Variants in COL5A1 observed in about 807,000 individuals in gnomAD.
COL5A1 encodes the protein collagen alpha-1(V) chain.
In COL5A1, 16 loss-of-function variants were observed where a neutral mutation model predicts 263.7. The ratio of observed to expected loss-of-function variants is 0.06; its 90% CI spans 0.04 to 0.09. The LOEUF (loss-of-function observed/expected upper bound fraction) is 0.09. COL5A1 is among the 10% of genes least tolerant of loss of function. The pLI is 1.00. For synonymous variants in COL5A1, 1,012 were observed against 1,004.5 expected, an observed-to-expected ratio of 1.01 and a Z score of -0.14; for missense variants, 2,036 against 2,540.5, an observed-to-expected ratio of 0.80 and a Z score of 4.27.
At chr9:134,831,656 G>T (rs529282748) in intron 64 of COL5A1, among the ~76,000 whole-genome samples, 1 of 152,200 alleles carries the variant, frequency 6.6e-6, no homozygotes, top group Non-Finnish European at 1.5e-5. Flanking sequence ...GCCTGCGCTT[G>T]GCACTGCCCT....
chr9:134,768,061 G>T (rs1836738525), intron 24 of COL5A1, among the ~76,000 whole-genome samples: 1 of 152,174 alleles, frequency 6.6e-6, no homozygotes, highest in African/African-American at 2.4e-5. Flanking sequence ...GGGAGGACAG[G>T]GTGGTGGGAG....
Position 134,805,201 on chromosome 9 carries a change from C to T in COL5A1, c.3245C>T (p.Pro1082Leu), listed in dbSNP as rs1393815755. The change falls in exon 41 of 66, where the codon CCA becomes CTA. Residue 1082 changes from proline to leucine, a missense_variant. Physicochemically the swap from Pro to Leu is moderately conservative, Grantham distance 98. This residue lies in a region of COL5A1 where 1,078 missense variants were observed against 1,521.4 expected (regional missense o/e 0.71). Transcript: ENST00000371817. ...GLKGNEGPPG[P>L]PGPAGSPGER... is the part of the protein sequence containing the mutation. ...AAAGGCAATGAAGGGCCCCCTGGCC[C>T]ACCAGGCCCTGCGGTGAGTCAAAGC... 1.9e-6 allele frequency: 3 copies of T among 1,613,834 alleles called. No homozygotes were observed. The highest frequency in any genetic ancestry group is 1.7e-5 in the Admixed American group (1 of 60,010).
chr9:134,756,510 C>T lies in COL5A1; in HGVS notation c.1828-255C>T, dbSNP rs141338946. 1.2e-3 allele frequency among the ~76,000 whole-genome samples: 187 copies of T among 152,284 alleles called. 1 individual carries two copies. The highest frequency in any genetic ancestry group is 4.1e-3 in the African/African-American group (169 of 41,558). Reference sequence around the variant, plus strand: ...AGCCCAGGGGCAGTGGCGTGATCCCCCTTTGACAGTCTGGGATGACGTGGT... The same window carrying T: ...AGCCCAGGGGCAGTGGCGTGATCCCTCTTTGACAGTCTGGGATGACGTGGT... On this transcript the variant is annotated intron_variant, in intron 16 of 65. Transcript: ENST00000371817.
Position 134,802,085 on chromosome 9 carries a change from T to C in COL5A1, c.3006+78T>C, listed in dbSNP as rs1015656795. On this transcript the variant is annotated intron_variant, in intron 38 of 65. Coordinates refer to ENST00000371817, the MANE Select transcript of COL5A1 (RefSeq NM_000093.5). ...AGGGAAGAGGGTCCCAGCCCGGGCA[T>C]CTGTTCCCTCCACGATTCCGGAGGT... 4 of 1,401,782 alleles carry C rather than the reference T, an allele frequency of 2.9e-6. No individual in the cohort carries two copies. The African/African-American group carries it at 5.7e-5, about 20-fold the overall frequency. The allele number at this position is 1,401,782 out of a possible 1,614,324, so 86.8% of individuals were successfully genotyped here.
chr9:134,699,947 G>C lies in COL5A1; in HGVS notation c.316G>C (p.Val106Leu). ...CGAGGACTTCTCCATCCTAACAACTGTGAAAGCCAAGAAAGGCAGCCAGGC... is the reference window on the plus strand; with the variant it reads ...CGAGGACTTCTCCATCCTAACAACTCTGAAAGCCAAGAAAGGCAGCCAGGC... ...FPEDFSILTT[V>L]KAKKGSQAFL... The change falls in exon 3 of 66, where the codon GTG (valine) becomes CTG (leucine). Residue 106 changes from valine (V) to leucine (L), a missense_variant. This residue lies in a region of COL5A1 where 600 missense variants were observed against 634.5 expected (regional missense o/e 0.95). Transcript: ENST00000371817. The C allele has an allele frequency of 1.2e-6, 2 of 1,614,002 alleles. No individual in the cohort carries two copies. Among genetic ancestry groups the C allele is most frequent in the Non-Finnish European group, 1.7e-6 (2 of 1,180,038 alleles).
intron 4 of COL5A1, among the ~76,000 whole-genome samples, chr9:134,717,261 G>A (rs34541288): frequency 0.18 from 26,666 of 152,088 alleles, 2,556 homozygotes; most frequent in East Asian, 0.39. Context: ...GCCGGGCCCA[G>A]CGGGAGGGAA....
At chr9:134,751,224 G>T (rs756265788) in intron 13 of COL5A1, among the ~76,000 whole-genome samples, 22 of 150,390 alleles carry the variant, frequency 1.5e-4, no homozygotes, top group Non-Finnish European at 2.5e-4. Flanking sequence ...CCCCGAGAGC[G>T]TGTCACTGTC....
Position 134,821,295 on chromosome 9 carries a change from A to G in COL5A1, c.4555-802A>G, listed in dbSNP as rs1838990233. Among the ~76,000 whole-genome samples the G allele has an allele frequency of 6.6e-6, 1 of 152,042 alleles. No individual in the cohort carries two copies. Among genetic ancestry groups the G allele is most frequent in the East Asian group, 1.9e-4 (1 of 5,186 alleles). On this transcript the variant is annotated intron_variant, in intron 58 of 65. Coordinates refer to ENST00000371817, the MANE Select transcript of COL5A1 (RefSeq NM_000093.5). The surrounding 1 kb of genome is among the most constrained non-coding windows in gnomAD (Gnocchi z 4.2). The stretch of plus-strand genomic sequence containing the variant: ...AACCATGGTCTTGGCGGCATTGCTG[A>G]TGAAGGTGTCGGGTTGGTGTGCAGG...
intron 1 of COL5A1, among the ~76,000 whole-genome samples, chr9:134,662,319 T>G (rs1832234676): frequency 6.6e-6 from 1 of 152,190 alleles, no homozygotes; most frequent in Non-Finnish European, 1.5e-5. Context: ...CCCTGGGATA[T>G]GTCAAGCTGA....
intron 9 of COL5A1, among the ~76,000 whole-genome samples, chr9:134,737,486 T>A (rs539460082): frequency 6.6e-6 from 1 of 152,330 alleles, no homozygotes; most frequent in South Asian, 2.1e-4. Flanking sequence ...TCTGGCTGCC[T>A]CGGGGTCATT....
intron 29 of COL5A1, 127 bp from the exon 30 acceptor site, chr9:134,784,862 C>G: frequency 2.6e-6 from 2 of 758,278 alleles, no homozygotes; most frequent in South Asian, 3.1e-5. Flanking sequence ...TGAGGCCGAG[C>G]TGGTGGAGCA....
At chr9:134,829,098 T>A (rs1839458990) in intron 63 of COL5A1, among the ~76,000 whole-genome samples, 1 of 151,860 alleles carries the variant, frequency 6.6e-6, no homozygotes, top group Non-Finnish European at 1.5e-5. Context: ...ATGCTGGCTT[T>A]TATTACCATT....
rs368179783 is a variant in COL5A1 at position 134,791,073 on chromosome 9, C to T, written c.2700+1865C>T. 3.9e-4 allele frequency among the ~76,000 whole-genome samples: 60 copies of T among 152,344 alleles called. 1 individual carries two copies. In the South Asian group the frequency reaches 0.012, roughly 31 times the overall value. ...GCGAGCCGAGGAGCTTAGATGGATG[C>T]TCCAGATGTCCAGGGCATCAGCACT... On this transcript the variant is annotated intron_variant, in intron 32 of 65. Transcript: ENST00000371817.
chr9:134,675,302 A>G (rs1832656138), intron 1 of COL5A1, among the ~76,000 whole-genome samples: 1 of 151,904 alleles, frequency 6.6e-6, no homozygotes. Flanking sequence ...GTCAATTTAG[A>G]CTCCTGTGGG....
At chr9:134,822,236 A>G (rs1398279717) in intron 59 of COL5A1, 86 bp downstream of exon 59, 24 of 1,199,542 alleles carry the variant, frequency 2.0e-5, no homozygotes, top group Non-Finnish European at 4.9e-6. Flanking sequence ...GAGCTAGAGA[A>G]TTGTGGAAAA....
At chr9:134,668,629 A>G (rs572708784) in intron 1 of COL5A1, among the ~76,000 whole-genome samples, 6 of 152,094 alleles carry the variant, frequency 3.9e-5, no homozygotes, top group African/African-American at 1.4e-4. Context: ...CCATGTATAT[A>G]CCAACCCATC....
intron 63 of COL5A1, among the ~76,000 whole-genome samples, chr9:134,828,304 C>T (rs1839379158): frequency 6.6e-6 from 1 of 152,182 alleles, no homozygotes; most frequent in Non-Finnish European, 1.5e-5. Context: ...AAGCAGGCCT[C>T]AGGTGGGAGC....
At chr9:134,824,912 A>T in intron 62 of COL5A1, 57 bp downstream of exon 62, 2 of 1,559,814 alleles carry the variant, frequency 1.3e-6, no homozygotes, top group Non-Finnish European at 1.7e-6. Context: ...CCTGCAGGAC[A>T]CATGGAGTGT....
At chr9:134,812,560 A>T in intron 47 of COL5A1, 45 bp from the exon 48 acceptor site, 1 of 1,612,534 alleles carries the variant, frequency 6.2e-7, no homozygotes, top group Non-Finnish European at 8.5e-7. Flanking sequence ...TTTTGGGGAA[A>T]CATTTGCGTT....
Sources: gnomAD v4.1 joint callset for allele counts (sites outside exome capture counted in the v4.1 genomes callset) on GRCh38, gnomAD v4.1.1 for gene constraint, gnomAD v4.1.1 regional missense constraint, Gnocchi (gnomAD v3.1) non-coding constraint, MANE v1.5 for transcripts, NCBI Gene and HGNC (gene_info 2026-07-23, HGNC 2026-07-21) for gene names.